The following GRIK5 variants were observed in gnomAD, a reference collection of about 807,000 sequenced individuals.
GRIK5 encodes the protein glutamate ionotropic receptor kainate type subunit 5.
Under a neutral mutation model 97.4 loss-of-function variants are expected in GRIK5, and 43 were observed. The observed-to-expected ratio is 0.44, with a 90% CI of 0.35 to 0.57. The LOEUF (loss-of-function observed/expected upper bound fraction) is 0.57. Ranked by LOEUF, GRIK5 falls within the 20% of genes least tolerant of loss-of-function variation. The pLI, the probability that GRIK5 is intolerant of heterozygous loss-of-function variation, is 0.01. For missense variants in GRIK5, 1,015 were observed against 1,382.0 expected (o/e 0.73, Z 4.21); for synonymous variants, 580 against 583.5 (o/e 0.99, Z 0.09).
In GRIK5 at chr19:42,014,982, T is replaced by C. The variant is rs113969659; in HGVS notation, c.1871+6319A>G. ...GGGGAAAAGATATGCTATGCAAACA[T>C]TAAGCCTCAGAAAGCCAGAGTGCCT... On this transcript the variant is annotated intron_variant, in intron 15 of 19. Coordinates refer to ENST00000593562, the MANE Select transcript of GRIK5 (RefSeq NM_002088.5). Among the ~76,000 whole-genome samples, 1,305 of 152,332 alleles carry C rather than the reference T, an allele frequency of 8.6e-3. 22 individuals are homozygous for C. Among genetic ancestry groups the C allele is most frequent in the African/African-American group, 0.03 (1,248 of 41,582 alleles).
intron 5 of GRIK5, 61 bp from the exon 6 acceptor site, chr19:42,059,588 A>C: frequency 7.1e-7 from 1 of 1,411,474 alleles, no homozygotes; most frequent in Non-Finnish European, 9.8e-7. Context: ...TGGCGTAGAC[A>C]CTCTCTCCTC....
chr19:42,026,704 G>T (rs1330319079), intron 12 of GRIK5, among the ~76,000 whole-genome samples: 3 of 151,990 alleles, frequency 2.0e-5, no homozygotes, highest in African/African-American at 7.3e-5. Flanking sequence ...GAGTAGCTGG[G>T]ATTACAGGTG....
At chr19:42,048,974 G>A (rs995253850) in intron 11 of GRIK5, among the ~76,000 whole-genome samples, 1 of 152,058 alleles carries the variant, frequency 6.6e-6, no homozygotes. Context: ...CCTGGAGGTC[G>A]AAGCTGCAGT....
At position 42,022,682 on chromosome 19, in the gene GRIK5, T is replaced by C; in HGVS notation, c.1474-328A>G. On this transcript the variant is annotated intron_variant, in intron 12 of 19. Transcript: ENST00000593562. This position sits in a 1 kb window ranked among gnomAD's most constrained non-coding sequence, Gnocchi z 4.2. ...AAGCAGCAACTTCTCCCTAGGGCCA[T>C]AAAAGAGCCAAGGTCCTGAAGGGGC... 2.0e-6 allele frequency: 2 copies of C among 984,094 alleles called. No homozygotes were observed. The highest frequency in any genetic ancestry group is 2.4e-6 in the Non-Finnish European group (2 of 829,438). 61.0% of individuals were successfully genotyped at this position (984,094 alleles called of 1,614,324 possible).
Position 41,998,343 on chromosome 19 carries a change from T to A in GRIK5, c.*528A>T, listed in dbSNP as rs1212755350. 2.6e-5 allele frequency: 4 copies of A among 152,592 alleles called. No homozygotes were observed. Among genetic ancestry groups the A allele is most frequent in the Non-Finnish European group, 4.4e-5 (3 of 68,024 alleles). The allele number at this position is 152,592 out of a possible 1,614,324, so 9.5% of individuals were successfully genotyped here. On this transcript the variant is annotated 3_prime_UTR_variant, in exon 20 of 20. Transcript: ENST00000593562. ...CAGTTCTGGGGTTTTGTTCTTTTTT[T>A]TATTCCAACAGGGGCTGCGATGTGG...
intron 5 of GRIK5, among the ~76,000 whole-genome samples, chr19:42,059,776 T>A (rs186578713): frequency 8.9e-4 from 136 of 152,212 alleles, no homozygotes; most frequent in African/African-American, 3.2e-3. Context: ...TGACCCCTCA[T>A]TGGGTGTCTT....
intron 6 of GRIK5, 74 bp from the exon 7 acceptor site, chr19:42,057,052 G>A (rs903284228): frequency 1.8e-6 from 2 of 1,114,174 alleles, no homozygotes; most frequent in Non-Finnish European, 2.7e-6. Context: ...GGACTCAAGA[G>A]AAGAAGAGAG....
chr19:42,014,122 G>A (rs554437090), intron 15 of GRIK5, among the ~76,000 whole-genome samples: 3 of 151,848 alleles, frequency 2.0e-5, no homozygotes, highest in African/African-American at 2.4e-5. Flanking sequence ...GGCCAGACAC[G>A]GTGGCTCACA....
chr19:42,000,031 CGTCTGAGGCACTGCAAGCAG>C (rs1356672475), intron 19 of GRIK5, among the ~76,000 whole-genome samples: 2 of 152,160 alleles, frequency 1.3e-5, no homozygotes, highest in Non-Finnish European at 2.9e-5. Flanking sequence ...TGACTTGGCA[CGTCTGAGGCACTGCAAGCAG>C]GTCAGCATGG....
chr19:42,048,812 G>A (rs1246388874), intron 11 of GRIK5, among the ~76,000 whole-genome samples: 1 of 152,084 alleles, frequency 6.6e-6, no homozygotes, highest in Admixed American at 6.6e-5. Context: ...GTCAAGGTGG[G>A]TGGATCCCTT....
At chr19:42,018,616 G>C (rs535661409) in intron 15 of GRIK5, among the ~76,000 whole-genome samples, 1 of 131,526 alleles carries the variant, frequency 7.6e-6, no homozygotes, top group African/African-American at 2.9e-5. Context: ...CTGAGATCGT[G>C]CCACAGCACT....
At chr19:42,009,265 G>C (rs1171025133) in intron 15 of GRIK5, among the ~76,000 whole-genome samples, 2 of 151,878 alleles carry the variant, frequency 1.3e-5, no homozygotes, top group Non-Finnish European at 2.9e-5. Flanking sequence ...TTGAGATAGA[G>C]TCTCGCTCTG....
At position 42,003,676 on chromosome 19, in the gene GRIK5, C is replaced by T. The variant is rs369776821; in HGVS notation, c.2271G>A (p.Pro757=). The change falls in exon 18 of 20, where the codon CCG becomes CCA. Residue 757 remains proline, a synonymous_variant. Transcript: ENST00000593562. The surrounding 1 kb of genome is among the most constrained non-coding windows in gnomAD (Gnocchi z 4.2). The part of the protein sequence containing the change: ...GYGIGMPLGS[P]FRDEITLAIL... ...TGGCCAGTGTGATCTCATCCCGGAACGGGGAGCCTGGGCAGGCACACGAGG... is the reference window on the plus strand; with the variant it reads ...TGGCCAGTGTGATCTCATCCCGGAATGGGGAGCCTGGGCAGGCACACGAGG... 37 of 1,610,276 alleles carry T rather than the reference C, an allele frequency of 2.3e-5. No homozygotes were observed. The highest frequency in any genetic ancestry group is 6.7e-5 in the Admixed American group (4 of 59,692).
rs575147710 is a variant in GRIK5, at chr19:42,058,229, G to A, written c.687+1120C>T. Among the ~76,000 whole-genome samples the A allele has an allele frequency of 4.6e-5, 7 of 152,180 alleles. No individual in the cohort carries two copies. The South Asian group carries it at 1.5e-3, about 32-fold the overall frequency. ...GGAGTCTTGCTCTGTCACCCAGACTGGAGTCCAGTGGTGCAATCTCAGCTC... is the reference window on the plus strand; with the variant it reads ...GGAGTCTTGCTCTGTCACCCAGACTAGAGTCCAGTGGTGCAATCTCAGCTC... On this transcript the variant is annotated intron_variant, in intron 6 of 19. Transcript: ENST00000593562.
At chr19:42,024,437 T>A (rs888492029) in intron 12 of GRIK5, among the ~76,000 whole-genome samples, 3 of 152,152 alleles carry the variant, frequency 2.0e-5, no homozygotes, top group Non-Finnish European at 4.4e-5. Context: ...GGTCTTGAAC[T>A]CCTGACCTCA....
intron 15 of GRIK5, among the ~76,000 whole-genome samples, chr19:42,016,295 C>T (rs185272427): frequency 2.0e-5 from 3 of 152,308 alleles, no homozygotes; most frequent in Admixed American, 6.5e-5. Context: ...GTGGCTGGCA[C>T]CTGTAATCCC....
chr19:42,065,599 C>A lies in GRIK5; in HGVS notation c.79+93G>T. On this transcript the variant is annotated intron_variant, in intron 2 of 19. Coordinates refer to ENST00000593562, the MANE Select transcript of GRIK5 (RefSeq NM_002088.5). This position sits in a 1 kb window ranked among gnomAD's most constrained non-coding sequence, Gnocchi z 5.8. ...TGGGATTCCTTGCTGCTGAAGAGAG[C>A]TGAGACCTGGACCCTGACGGACTGG... The A allele has an allele frequency of 8.6e-7, 1 of 1,163,500 alleles. No homozygotes were observed. Among genetic ancestry groups the A allele is most frequent in the Admixed American group, 2.2e-5 (1 of 45,444 alleles). The allele number at this position is 1,163,500 out of a possible 1,614,324, so 72.1% of individuals were successfully genotyped here. A position where few individuals can be genotyped will look rare whatever the true frequency, so the allele number is the denominator to read the frequency against.
chr19:42,004,712 C>G (rs2075464915), intron 17 of GRIK5, among the ~76,000 whole-genome samples: 1 of 152,238 alleles, frequency 6.6e-6, no homozygotes. Flanking sequence ...ACCTCCACTT[C>G]CTGGGCTCAA....
chr19:42,003,628 G>A lies in GRIK5; in HGVS notation c.2319C>T (p.Asn773=). 6.2e-7 allele frequency: 1 copy of A among 1,613,740 alleles called. No individual in the cohort carries two copies. The highest frequency in any genetic ancestry group is 8.5e-7 in the Non-Finnish European group (1 of 1,179,814). ...ACTTGCGCTTCAGGATCTCCAGCCG[G>A]TTGTTCTCCTGAAGCTGCAGGATGG... ...TLAILQLQEN[N]RLEILKRKWW... The change falls in exon 18 of 20, where the codon AAC becomes AAT. Residue 773 remains asparagine (N), a synonymous_variant. Transcript: ENST00000593562. The surrounding 1 kb of genome is among the most constrained non-coding windows in gnomAD (Gnocchi z 4.2).
Sources: allele counts gnomAD v4.1 joint callset (sites outside exome capture counted in the v4.1 genomes callset), GRCh38; gene constraint gnomAD v4.1.1; non-coding constraint Gnocchi (gnomAD v3.1); transcripts MANE v1.5; gene names NCBI Gene and HGNC (gene_info 2026-07-23, HGNC 2026-07-21).